The following ANKRD12 variants were observed in gnomAD, a reference collection of about 807,000 sequenced individuals.
ANKRD12 encodes the protein ankyrin repeat domain-containing protein 12.
A neutral mutation model predicts 183.4 loss-of-function variants in ANKRD12; 85 were observed. The ratio of observed to expected loss-of-function variants is 0.46; its 90% CI spans 0.39 to 0.56. The LOEUF (loss-of-function observed/expected upper bound fraction) is 0.56, where lower values mean the gene tolerates loss of function less well. ANKRD12 is among the 20% of genes least tolerant of loss of function. The pLI is 0.00. For missense variants in ANKRD12, 2,405 were observed against 2,357.1 expected (o/e 1.02, Z -0.42); for synonymous variants, 914 against 800.2 (o/e 1.14, Z -2.40).
intron 8 of ANKRD12, among the ~76,000 whole-genome samples, chr18:9,243,674 G>C (rs2037786946): frequency 6.6e-6 from 1 of 152,006 alleles, no homozygotes; most frequent in South Asian, 2.1e-4. Context: ...ATTCTGTCAA[G>C]GACTAAAGAA....
At chr18:9,275,700 G>A in intron 11 of ANKRD12, 33 bp downstream of exon 11, 1 of 1,483,970 alleles carries the variant, frequency 6.7e-7, no homozygotes. Flanking sequence ...TAGAAGTAAT[G>A]GTCTGAAAAA....
At chr18:9,153,977 C>T (rs540188637) in intron 1 of ANKRD12, among the ~76,000 whole-genome samples, 1 of 152,188 alleles carries the variant, frequency 6.6e-6, no homozygotes, top group African/African-American at 2.4e-5. Flanking sequence ...TATCAGTCTT[C>T]TAGCTCTAAG....
chr18:9,218,721 G>A (rs1598595512), intron 7 of ANKRD12, among the ~76,000 whole-genome samples: 1 of 150,244 alleles, frequency 6.7e-6, no homozygotes, highest in East Asian at 2.0e-4. Context: ...CCACACTAGA[G>A]TGTAGTGGTG....
At position 9,168,353 on chromosome 18, in the gene ANKRD12, C is replaced by CT. The variant is rs549702633; in HGVS notation, c.-51-14022dup. Among the ~76,000 whole-genome samples, 961 of 152,192 alleles carry CT rather than the reference C, an allele frequency of 6.3e-3. 7 individuals carry two copies. The highest frequency in any genetic ancestry group is 0.017 in the Middle Eastern group (5 of 294). The stretch of plus-strand genomic sequence containing the variant: ...GGCTGTGAATCCATCTGGTCCTGGA[C>CT]TTTTTTTCATTGGTAAGCTATTGAT... On this transcript the variant is annotated intron_variant, in intron 1 of 12. Transcript: ENST00000262126.
chr18:9,256,591 A>G lies in ANKRD12; in HGVS notation c.3324A>G (p.Glu1108=). ...HKEKIKQKEK[E]RLRNRNCLEL... ...AAAAAATTAAGCAAAAAGAAAAGGA[A>G]CGGTTGAGAAACCGAAACTGTTTAG... The change falls in exon 9 of 13, where the codon GAA becomes GAG. Residue 1108 remains glutamate (E), a synonymous_variant. Coordinates refer to ENST00000262126, the MANE Select transcript of ANKRD12 (RefSeq NM_015208.5). The G allele has an allele frequency of 6.2e-7, 1 of 1,601,698 alleles. No individual in the cohort carries two copies. Among genetic ancestry groups the G allele is most frequent in the South Asian group, 1.1e-5 (1 of 87,362 alleles).
rs2040013512 is a variant in ANKRD12, at chr18:9,279,564, ACTT to A, written c.5926_5928del (p.Ser1976del). On this transcript the variant is annotated inframe_deletion, in exon 12 of 13. Transcript: ENST00000262126. ...TCTCTTTTAGTCTGATGACAGTAAA[ACTT>A]CTGTGAGGGATCGCTTTAATGCAAG... is the stretch of plus-strand genomic sequence containing the variant. 4 of 1,598,754 alleles carry A rather than the reference ACTT, an allele frequency of 2.5e-6. No individual in the cohort carries two copies. The highest frequency in any genetic ancestry group is 3.4e-6 in the Non-Finnish European group (4 of 1,174,050).
intron 7 of ANKRD12, 102 bp downstream of exon 7, chr18:9,217,002 C>T (rs1308658655): frequency 1.9e-6 from 2 of 1,065,942 alleles, no homozygotes; most frequent in African/African-American, 3.3e-5. Context: ...GTGTCATATT[C>T]CACTCATTGC....
intron 4 of ANKRD12, among the ~76,000 whole-genome samples, chr18:9,207,442 A>G (rs1445243568): frequency 6.6e-6 from 1 of 152,128 alleles, no homozygotes; most frequent in Non-Finnish European, 1.5e-5. Flanking sequence ...CAGAGTTTTT[A>G]AAATTAGGAG....
At chr18:9,215,246 GA>G (rs1679770245) in intron 6 of ANKRD12, among the ~76,000 whole-genome samples, 1 of 152,110 alleles carries the variant, frequency 6.6e-6, no homozygotes. Flanking sequence ...TTTAGGGCAG[GA>G]AGGGATTAGC....
chr18:9,216,482 T>C (rs2036114837), intron 6 of ANKRD12, among the ~76,000 whole-genome samples: 1 of 152,216 alleles, frequency 6.6e-6, no homozygotes. Context: ...TAGTAAAGTT[T>C]TGGGGAGTCA....
chr18:9,137,052 T>G (rs1224783670), intron 1 of ANKRD12, 87 bp downstream of exon 1: 2 of 151,790 alleles, frequency 1.3e-5, no homozygotes, highest in Non-Finnish European at 2.9e-5. Context: ...AGGGAGGAGA[T>G]CCCCTCAGTT....
intron 1 of ANKRD12, among the ~76,000 whole-genome samples, chr18:9,160,046 G>A (rs901219034): frequency 6.6e-6 from 1 of 151,976 alleles, no homozygotes; most frequent in Non-Finnish European, 1.5e-5. Flanking sequence ...GAGGTGGGCA[G>A]ATCACTTGAG....
chr18:9,152,665 T>A (rs577377260), intron 1 of ANKRD12, among the ~76,000 whole-genome samples: 4 of 152,110 alleles, frequency 2.6e-5, no homozygotes, highest in African/African-American at 9.7e-5. Context: ...CTTAAAAAAA[T>A]TTTTTTCTGC....
intron 1 of ANKRD12, among the ~76,000 whole-genome samples, chr18:9,181,519 G>A (rs529460223): frequency 6.6e-6 from 1 of 152,272 alleles, no homozygotes; most frequent in African/African-American, 2.4e-5. Context: ...CCCTTGGCCA[G>A]CAGCCTCAAT....
At position 9,257,273 on chromosome 18, in the gene ANKRD12, T is replaced by C; in HGVS notation, c.4006T>C (p.Leu1336=). ...ISEESNQGSL[L]TVPGDTSPSP... ...AGAAGAGAGCAATCAAGGTAGCTTA[T>C]TAACTGTGCCAGGAGATACTAGTCC... The change falls in exon 9 of 13, where the codon TTA becomes CTA. Residue 1336 remains leucine (L), a synonymous_variant. Transcript: ENST00000262126. 1 of 1,614,182 alleles carries C rather than the reference T, an allele frequency of 6.2e-7. No homozygotes were observed. The highest frequency in any genetic ancestry group is 1.3e-5 in the African/African-American group (1 of 75,058).
chr18:9,172,750 C>T (rs531894398), intron 1 of ANKRD12, among the ~76,000 whole-genome samples: 2 of 152,312 alleles, frequency 1.3e-5, no homozygotes, highest in South Asian at 2.1e-4. Context: ...CAGCCCAGTT[C>T]TGTCCCCTTG....
intron 10 of ANKRD12, among the ~76,000 whole-genome samples, chr18:9,274,638 A>G (rs8092135): frequency 0.79 from 120,771 of 152,058 alleles, 48,149 homozygotes; most frequent in Middle Eastern, 0.88. Flanking sequence ...GAACATCTTG[A>G]TAAATACACT....
chr18:9,284,046 C>A lies in ANKRD12; in HGVS notation c.*2920C>A, dbSNP rs2040174347. On this transcript the variant is annotated 3_prime_UTR_variant, in exon 13 of 13. Transcript: ENST00000262126. ...AGTGCATATAAAAGTTTTGTTTATA[C>A]TATATTAAGTGTGCAATAGCATTAT... The A allele has an allele frequency of 6.6e-6, 1 of 152,036 alleles. No homozygotes were observed. Among genetic ancestry groups the A allele is most frequent in the Non-Finnish European group, 1.5e-5 (1 of 68,002 alleles). 9.4% of individuals were successfully genotyped at this position (152,036 alleles called of 1,614,324 possible).
At chr18:9,140,606 C>G (rs1047152276) in intron 1 of ANKRD12, among the ~76,000 whole-genome samples, 19 of 152,128 alleles carry the variant, frequency 1.2e-4, no homozygotes, top group Admixed American at 3.3e-4. Flanking sequence ...TGCTAGTTTT[C>G]AGGTACGCAA....
Sources: allele counts gnomAD v4.1 joint callset (sites outside exome capture counted in the v4.1 genomes callset), GRCh38; gene constraint gnomAD v4.1.1; transcripts MANE v1.5; gene names NCBI Gene and HGNC (gene_info 2026-07-23, HGNC 2026-07-21).